The following FMO3 variants were observed in gnomAD, a reference collection of about 807,000 sequenced individuals.
The protein encoded by FMO3 is flavin containing dimethylaniline monoxygenase 3, also known as flavin-containing monooxygenase 3.
A neutral mutation model predicts 39.4 loss-of-function variants in FMO3; 40 were observed. That is an observed-to-expected ratio of 1.02 (90% CI 0.79 to 1.32). FMO3 has a LOEUF of 1.32. Among genes scored for constraint, FMO3 ranks in the 40% most tolerant of loss-of-function variants. FMO3 has a pLI of 0.00. For missense variants in FMO3, 680 were observed against 651.8 expected, an observed-to-expected ratio of 1.04 and a Z score of -0.47; for synonymous variants, 219 against 228.8, an observed-to-expected ratio of 0.96 and a Z score of 0.39.
chr1:171,113,897 G>GAA, intron 6 of FMO3, 110 bp from the exon 7 acceptor site: 8 of 705,308 alleles, frequency 1.1e-5, no homozygotes, highest in Non-Finnish European at 1.4e-5. Flanking sequence ...CTATGCCTCA[G>GAA]AAAAAAAAAA....
At chr1:171,096,056 A>C (rs1447241250) in intron 2 of FMO3, among the ~76,000 whole-genome samples, 2 of 54,838 alleles carry the variant, frequency 3.6e-5, no homozygotes, top group African/African-American at 2.9e-4. Flanking sequence ...ATAAATATAT[A>C]ATATATATTA....
chr1:171,099,348 G>A (rs533880168), intron 2 of FMO3, among the ~76,000 whole-genome samples: 1 of 152,266 alleles, frequency 6.6e-6, no homozygotes, highest in African/African-American at 2.4e-5. Context: ...TAGGTGTGGT[G>A]TGAAACCCCC....
chr1:171,114,990 C>T (rs1385973869), intron 7 of FMO3, among the ~76,000 whole-genome samples: 1 of 152,114 alleles, frequency 6.6e-6, no homozygotes, highest in Non-Finnish European at 1.5e-5. Flanking sequence ...AAGGAAACAA[C>T]AAACTTGATT....
In FMO3 at chr1:171,114,130, C is replaced by T; in HGVS notation, c.951C>T (p.Thr317=). The change falls in exon 7 of 9, where the codon ACC becomes ACT. Residue 317 remains threonine (T), a synonymous_variant. Transcript: ENST00000367755. ...CCTCGGCCATTTTTGAGGATGGGAC[C>T]ATATTTGAGGGCATTGACTGTGTAA... ...TETSAIFEDG[T]IFEGIDCVIF... 3.7e-6 allele frequency: 6 copies of T among 1,613,910 alleles called. No homozygotes were observed. Among genetic ancestry groups the T allele is most frequent in the Non-Finnish European group, 4.2e-6 (5 of 1,179,922 alleles).
intron 2 of FMO3, among the ~76,000 whole-genome samples, chr1:171,096,801 T>A (rs1655114672): frequency 7.5e-6 from 1 of 133,280 alleles, no homozygotes; most frequent in Non-Finnish European, 1.6e-5. Context: ...TATATATTTG[T>A]AATTATACTT....
At chr1:171,108,460 T>C (rs1655752136) in intron 5 of FMO3, among the ~76,000 whole-genome samples, 1 of 152,194 alleles carries the variant, frequency 6.6e-6, no homozygotes, top group Non-Finnish European at 1.5e-5. Context: ...TCAAGACATT[T>C]GATGCCTAAT....
At chr1:171,093,827 C>CT (rs1228257104) in intron 2 of FMO3, among the ~76,000 whole-genome samples, 3,379 of 75,312 alleles carry the variant, frequency 0.045, 252 homozygotes, top group African/African-American at 0.057. Context: ...TCACTAATAT[C>CT]TTTTTTTTTT....
intron 3 of FMO3, among the ~76,000 whole-genome samples, chr1:171,105,418 T>G (rs1300029122): frequency 1.3e-5 from 2 of 152,192 alleles, no homozygotes; most frequent in Non-Finnish European, 2.9e-5. Context: ...AGAGATTAAC[T>G]GGGTCAAATG....
intron 2 of FMO3, among the ~76,000 whole-genome samples, chr1:171,096,128 TAGTA>T (rs1655021394): frequency 5.8e-5 from 4 of 69,206 alleles, no homozygotes; most frequent in Admixed American, 2.5e-4. Context: ...ATTAATAATA[TAGTA>T]ATTATTATAT....
At chr1:171,092,921 G>C in intron 2 of FMO3, 131 bp downstream of exon 2, 1 of 1,000,778 alleles carries the variant, frequency 1.0e-6, no homozygotes, top group Non-Finnish European at 1.5e-6. Flanking sequence ...AATCCACTAA[G>C]TACAGTGTCA....
intron 5 of FMO3, among the ~76,000 whole-genome samples, chr1:171,109,941 A>G (rs926102185): frequency 1.3e-5 from 2 of 152,172 alleles, no homozygotes; most frequent in Non-Finnish European, 2.9e-5. Context: ...AAGCCTGAAA[A>G]CTACACTATT....
chr1:171,096,284 T>C (rs1233613792), intron 2 of FMO3, among the ~76,000 whole-genome samples: 2 of 63,262 alleles, frequency 3.2e-5, no homozygotes, highest in African/African-American at 8.9e-5. Context: ...ATTATATATA[T>C]TATATATCTA....
chr1:171,103,684 A>G (rs183333798), intron 2 of FMO3, 101 bp from the exon 3 acceptor site: 18 of 986,792 alleles, frequency 1.8e-5, no homozygotes, highest in East Asian at 1.4e-4. Flanking sequence ...GGAACCTTCC[A>G]TAGATACCAA....
intron 7 of FMO3, 81 bp downstream of exon 7, chr1:171,114,443 C>A: frequency 1.9e-6 from 2 of 1,056,040 alleles, no homozygotes; most frequent in Non-Finnish European, 2.9e-6. Flanking sequence ...AACAATAATC[C>A]TAGTTACAAG....
rs2066534 is a variant in FMO3, at chr1:171,108,231, C to A, written c.627+10C>A. The A allele has an allele frequency of 6.2e-6, 10 of 1,613,306 alleles. No homozygotes were observed. In the Admixed American group the frequency reaches 1.3e-4, roughly 22 times the overall value. ...CCGCACAGCAGAACAGGTACTACTC[C>A]CCGGGTACTCGGGTGACTCTCGTTA... On this transcript the variant is annotated intron_variant, in intron 5 of 8. Transcript: ENST00000367755.
chr1:171,095,046 A>G (rs927013038), intron 2 of FMO3, among the ~76,000 whole-genome samples: 8 of 152,146 alleles, frequency 5.3e-5, no homozygotes, highest in African/African-American at 1.9e-4. Flanking sequence ...TGGCCCTTCC[A>G]ATCCATGAGC....
chr1:171,107,751 G>A lies in FMO3; in HGVS notation c.398G>A (p.Gly133Asp). 3.7e-6 allele frequency: 6 copies of A among 1,613,744 alleles called. No homozygotes were observed. The highest frequency in any genetic ancestry group is 5.1e-6 in the Non-Finnish European group (6 of 1,179,770). ...GQWDVTTERD[G>D]KKESAVFDAV... ...TGGGATGTTACCACTGAAAGGGATG[G>A]TAAAAAAGAATCGGCTGTCTTTGAT... is the stretch of plus-strand genomic sequence containing the variant. The change falls in exon 4 of 9, where the codon GGT becomes GAT. Residue 133 changes from glycine to aspartate, a missense_variant. By Grantham distance (94) the Gly-to-Asp change is moderately conservative (BLOSUM62 -1). Transcript: ENST00000367755.
At chr1:171,104,182 C>T (rs1009031372) in intron 3 of FMO3, among the ~76,000 whole-genome samples, 1 of 152,028 alleles carries the variant, frequency 6.6e-6, no homozygotes, top group African/African-American at 2.4e-5. Flanking sequence ...AGTTCTTAGA[C>T]TAAATCACTA....
chr1:171,114,833 C>A (rs1460585381), intron 7 of FMO3, among the ~76,000 whole-genome samples: 1 of 152,150 alleles, frequency 6.6e-6, no homozygotes, highest in Non-Finnish European at 1.5e-5. Context: ...CTATTATTTT[C>A]TTCCCTGACA....
Sources: allele counts gnomAD v4.1 joint callset (sites outside exome capture counted in the v4.1 genomes callset), GRCh38; gene constraint gnomAD v4.1.1; transcripts MANE v1.5; gene names NCBI Gene and HGNC (gene_info 2026-07-23, HGNC 2026-07-21).